Variants in JHY observed in about 807,000 individuals in gnomAD.
JHY encodes junctional cadherin complex regulator, also known as jhy protein homolog.
In JHY, 69 loss-of-function variants were observed where a neutral mutation model predicts 78.0. The observed-to-expected ratio is 0.88, with a 90% CI of 0.73 to 1.08. The LOEUF is 1.08. JHY is among the 50% of genes least tolerant of loss of function. The pLI, the probability that JHY is intolerant of heterozygous loss-of-function variation, is 0.00. For synonymous variants in JHY, 368 were observed against 342.6 expected (o/e 1.07, Z -0.82); for missense variants, 944 against 927.8 (o/e 1.02, Z -0.23).
At position 122,886,050 on chromosome 11, in the gene JHY, CG is replaced by C. The variant is rs1862488974; in HGVS notation, c.203del (p.Gly68ValfsTer7). The C allele has an allele frequency of 1.2e-6, 2 of 1,614,070 alleles. No homozygotes were observed. The highest frequency in any genetic ancestry group is 4.5e-5 in the East Asian group (2 of 44,874). ...AGTTTGATGATCGAATCCGGGGCAA[CG>C]GTATGGAGCCCGACAGCTTAGACGA... The part of the protein sequence containing the change: ...SEFDDRIRGN[G>X]MEPDSLDEEE... On this transcript the variant is annotated frameshift_variant, in exon 2 of 9. Transcript: ENST00000227349. LOFTEE classifies it high-confidence loss of function.
rs1293686656 is a variant in JHY, at chr11:122,959,911, A to T, written c.*466A>T. ...TGATAACATTTCAAAATATTACTAAAATCTCCAAGTTTGGCAAAGGGCTTA... is the reference window on the plus strand; with the variant it reads ...TGATAACATTTCAAAATATTACTAATATCTCCAAGTTTGGCAAAGGGCTTA... On this transcript the variant is annotated 3_prime_UTR_variant, in exon 9 of 9. Coordinates refer to ENST00000227349, the MANE Select transcript of JHY (RefSeq NM_024806.4). 6.3e-6 allele frequency: 1 copy of T among 157,636 alleles called. No individual in the cohort carries two copies. Among genetic ancestry groups the T allele is most frequent in the African/African-American group, 2.4e-5 (1 of 41,456 alleles). 9.8% of individuals were successfully genotyped at this position (157,636 alleles called of 1,614,324 possible).
chr11:122,957,312 A>T (rs1864212984), intron 7 of JHY, 51 bp from the exon 8 acceptor site: 3 of 1,488,784 alleles, frequency 2.0e-6, no homozygotes, highest in African/African-American at 1.5e-5. Context: ...AATAGAGAGC[A>T]GAGAGAACTA....
At chr11:122,884,919 T>A (rs1862462313) in intron 1 of JHY, among the ~76,000 whole-genome samples, 1 of 151,442 alleles carries the variant, frequency 6.6e-6, no homozygotes, top group South Asian at 2.1e-4. Context: ...CCCACCGCAG[T>A]CTCCCGAGTA....
At chr11:122,894,764 A>G (rs1862702813) in intron 2 of JHY, among the ~76,000 whole-genome samples, 1 of 152,216 alleles carries the variant, frequency 6.6e-6, no homozygotes, top group Admixed American at 6.5e-5. Flanking sequence ...TCAAAGAAAA[A>G]AAAAGGACTT....
Position 122,960,719 on chromosome 11 carries a change from G to A in JHY, c.*1274G>A. 2.3e-6 allele frequency: 1 copy of A among 433,796 alleles called. No individual in the cohort carries two copies. The highest frequency in any genetic ancestry group is 4.6e-6 in the Non-Finnish European group (1 of 217,688). 26.9% of individuals were successfully genotyped at this position (433,796 alleles called of 1,614,324 possible). On this transcript the variant is annotated 3_prime_UTR_variant, in exon 9 of 9. Coordinates refer to ENST00000227349, the MANE Select transcript of JHY (RefSeq NM_024806.4). ...GAGAATCTGCTTATCAACTCAATGA[G>A]CAAAACATTGCCCAACTAGAAGAGG...
chr11:122,925,090 C>T lies in JHY; in HGVS notation c.978+80C>T, dbSNP rs565942174. ...GTAATGATCGTGACTGAGTTCTTAT[C>T]ACTTAAGGGTTTATTTTTATGCCTG... On this transcript the variant is annotated intron_variant, in intron 4 of 8. Coordinates refer to ENST00000227349, the MANE Select transcript of JHY (RefSeq NM_024806.4). 2.2e-5 allele frequency: 24 copies of T among 1,095,274 alleles called. No individual in the cohort carries two copies. In the African/African-American group the frequency reaches 3.4e-4, roughly 16 times the overall value. 67.8% of individuals were successfully genotyped at this position (1,095,274 alleles called of 1,614,324 possible). A position where few individuals can be genotyped will look rare whatever the true frequency, so the allele number is the denominator to read the frequency against.
rs1212826671 is a variant in JHY, at chr11:122,962,325, A to G, written c.*2880A>G. On this transcript the variant is annotated 3_prime_UTR_variant, in exon 9 of 9. Transcript: ENST00000227349. ...CTTTGGAAATGTACTCCTATGTTGT[A>G]TACATTTTACATATACCAAAATGTA... 2.0e-5 allele frequency among the ~76,000 whole-genome samples: 3 copies of G among 152,314 alleles called. No homozygotes were observed. The highest frequency in any genetic ancestry group is 1.9e-4 in the East Asian group (1 of 5,190).
At chr11:122,921,037 A>C (rs1338418610) in intron 3 of JHY, among the ~76,000 whole-genome samples, 2 of 111,642 alleles carry the variant, frequency 1.8e-5, no homozygotes, top group Admixed American at 8.5e-5. Context: ...ATGGTTCACA[A>C]AAAAAAAAAA....
At position 122,946,803 on chromosome 11, in the gene JHY, C is replaced by T. The variant is rs749711384; in HGVS notation, c.1929+11C>T. On this transcript the variant is annotated intron_variant, in intron 6 of 8. Coordinates refer to ENST00000227349, the MANE Select transcript of JHY (RefSeq NM_024806.4). Reference sequence around the variant, plus strand: ...AGAAGCAGCAGTAAGGTAATAAAAGCGCCATTTTTACCAAGTAACTCTTCC... The same window carrying T: ...AGAAGCAGCAGTAAGGTAATAAAAGTGCCATTTTTACCAAGTAACTCTTCC... The T allele has an allele frequency of 7.5e-6, 12 of 1,593,340 alleles. No individual in the cohort carries two copies. Among genetic ancestry groups the T allele is most frequent in the Admixed American group, 3.6e-5 (2 of 55,326 alleles).
chr11:122,953,886 C>T (rs562571664), intron 6 of JHY, among the ~76,000 whole-genome samples: 2 of 152,228 alleles, frequency 1.3e-5, no homozygotes, highest in South Asian at 4.1e-4. Flanking sequence ...AGAGTATTGA[C>T]CATAAATGTT....
At position 122,934,927 on chromosome 11, in the gene JHY, C is replaced by T; in HGVS notation, c.1486C>T (p.Leu496Phe). The change falls in exon 5 of 9, where the codon CTT (leucine) becomes TTT (phenylalanine). Residue 496 changes from leucine to phenylalanine, a missense_variant. By Grantham distance (22) the Leu-to-Phe change is conservative (BLOSUM62 0). Coordinates refer to ENST00000227349, the MANE Select transcript of JHY (RefSeq NM_024806.4). ...HTLSDMDLNN[L>F]NELSKRHVLL... ...CCTTTCTGACATGGATTTGAACAAC[C>T]TTAATGAACTTTCTAAGAGACACGT... 6.2e-7 allele frequency: 1 copy of T among 1,614,140 alleles called. No homozygotes were observed. The highest frequency in any genetic ancestry group is 8.5e-7 in the Non-Finnish European group (1 of 1,180,038).
Position 122,946,565 on chromosome 11 carries a change from A to G in JHY, c.1702A>G (p.Met568Val), listed in dbSNP as rs1486336968. The change falls in exon 6 of 9, where the codon ATG becomes GTG. Residue 568 changes from methionine to valine, a missense_variant. Physicochemically the swap from Met to Val is conservative, Grantham distance 21. Transcript: ENST00000227349. ...TCCAGATTCATGGCTCACCCAGATA[A>G]TGGAGCAGCATCAGCAAGCCTTGGT... ...ASPDSWLTQI[M>V]EQHQQALVQL... 1 of 1,613,878 alleles carries G rather than the reference A, an allele frequency of 6.2e-7. No homozygotes were observed. Among genetic ancestry groups the G allele is most frequent in the African/African-American group, 1.3e-5 (1 of 74,900 alleles).
intron 3 of JHY, among the ~76,000 whole-genome samples, chr11:122,918,565 T>C (rs1472474364): frequency 1.3e-5 from 2 of 151,570 alleles, no homozygotes; most frequent in Middle Eastern, 3.4e-3. Flanking sequence ...TTTCAGGGAC[T>C]GAAGATGGGA....
chr11:122,944,552 A>G (rs1863928895), intron 5 of JHY, among the ~76,000 whole-genome samples: 1 of 152,142 alleles, frequency 6.6e-6, no homozygotes, highest in South Asian at 2.1e-4. Context: ...ATCACCTTAT[A>G]TATTCAAAAT....
chr11:122,961,818 A>AGGT lies in JHY; in HGVS notation c.*2374_*2376dup, dbSNP rs1864322644. ...AAAGAATAAAGTTGAAAAAAAATGA[A>AGGT]GGTACATCTGGCTGTGCCTGCTCAG... is the stretch of plus-strand genomic sequence containing the variant. On this transcript the variant is annotated 3_prime_UTR_variant, in exon 9 of 9. Transcript: ENST00000227349. Among the ~76,000 whole-genome samples the AGGT allele has an allele frequency of 6.6e-6, 1 of 152,236 alleles. No individual in the cohort carries two copies. The highest frequency in any genetic ancestry group is 2.4e-5 in the African/African-American group (1 of 41,464).
rs928677360 is a variant in JHY at position 122,885,749 on chromosome 11, A to T, written c.-89-12A>T. 8 of 857,556 alleles carry T rather than the reference A, an allele frequency of 9.3e-6. No homozygotes were observed. Among genetic ancestry groups the T allele is most frequent in the Non-Finnish European group, 1.4e-5 (8 of 553,980 alleles). The allele number at this position is 857,556 out of a possible 1,614,324, so 53.1% of individuals were successfully genotyped here. A position where few individuals can be genotyped will look rare whatever the true frequency, so the allele number is the denominator to read the frequency against. On this transcript the variant is annotated splice_polypyrimidine_tract_variant and intron_variant, in intron 1 of 8. Transcript: ENST00000227349. ...AGTGGTCGCAGAGTAACATAAATAT[A>T]TTTTTTTTCAGGTAACGCTTTTGTG...
chr11:122,935,137 A>T lies in JHY; in HGVS notation c.1634+62A>T, dbSNP rs1210016961. 1.4e-6 allele frequency: 2 copies of T among 1,417,224 alleles called. No individual in the cohort carries two copies. The highest frequency in any genetic ancestry group is 1.5e-5 in the South Asian group (1 of 67,202). The allele number at this position is 1,417,224 out of a possible 1,614,324, so 87.8% of individuals were successfully genotyped here. On this transcript the variant is annotated intron_variant, in intron 5 of 8. Coordinates refer to ENST00000227349, the MANE Select transcript of JHY (RefSeq NM_024806.4). The surrounding 1 kb of genome is among the most constrained non-coding windows in gnomAD (Gnocchi z 4.5). ...AGAAAGGAGAGACTGCTGCAGAAAG[A>T]CGGGAGAGGAAGAAGGGGAAGGGGA... is the stretch of plus-strand genomic sequence containing the variant.
intron 4 of JHY, among the ~76,000 whole-genome samples, chr11:122,932,526 G>A (rs1051153442): frequency 2.0e-5 from 3 of 152,080 alleles, no homozygotes; most frequent in Non-Finnish European, 4.4e-5. Context: ...AGAAAACTAG[G>A]AAAAGTACAT....
In JHY at chr11:122,962,191, C is replaced by T. The variant is rs776684360; in HGVS notation, c.*2746C>T. Among the ~76,000 whole-genome samples the T allele has an allele frequency of 1.3e-5, 2 of 152,050 alleles. No homozygotes were observed. Among genetic ancestry groups the T allele is most frequent in the African/African-American group, 2.4e-5 (1 of 41,376 alleles). Reference sequence around the variant, plus strand: ...GAGAGTTTAATTTTCTACTTCCTTCCTTATATTAGATGGACATTACATTTT... The same window carrying T: ...GAGAGTTTAATTTTCTACTTCCTTCTTTATATTAGATGGACATTACATTTT... On this transcript the variant is annotated 3_prime_UTR_variant, in exon 9 of 9. Coordinates refer to ENST00000227349, the MANE Select transcript of JHY (RefSeq NM_024806.4).
Sources: allele counts gnomAD v4.1 joint callset (sites outside exome capture counted in the v4.1 genomes callset), GRCh38; gene constraint gnomAD v4.1.1; non-coding constraint Gnocchi (gnomAD v3.1); transcripts MANE v1.5; gene names NCBI Gene and HGNC (gene_info 2026-07-23, HGNC 2026-07-21).